The following TLL2 variants were observed in gnomAD, a reference collection of about 807,000 sequenced individuals.
The protein encoded by TLL2 is tolloid like 2, also known as tolloid-like protein 2.
In TLL2, 106 loss-of-function variants were observed where a neutral mutation model predicts 123.0. That is an observed-to-expected ratio of 0.86 (90% confidence interval 0.74 to 1.01). The LOEUF (loss-of-function observed/expected upper bound fraction) is 1.01. Ranked by LOEUF, TLL2 falls within the 50% of genes least tolerant of loss-of-function variation. The pLI is 0.00. For synonymous variants in TLL2, 494 were observed against 516.8 expected (o/e 0.96, Z 0.60); for missense variants, 1,332 against 1,336.7 (o/e 1.00, Z 0.06).
intron 2 of TLL2, among the ~76,000 whole-genome samples, chr10:96,454,953 C>T (rs1846997278): frequency 6.6e-6 from 1 of 152,194 alleles, no homozygotes; most frequent in Non-Finnish European, 1.5e-5. Context: ...TCTGAGAACC[C>T]ATGGACAGTC....
intron 1 of TLL2, among the ~76,000 whole-genome samples, chr10:96,500,588 G>T (rs1847524683): frequency 6.6e-6 from 1 of 152,202 alleles, no homozygotes; most frequent in African/African-American, 2.4e-5. Context: ...GAGGTCAGGA[G>T]CTCGGGACCA....
intron 1 of TLL2, 117 bp downstream of exon 1, chr10:96,513,394 G>A (rs1847651054): frequency 2.3e-6 from 3 of 1,278,350 alleles, no homozygotes; most frequent in African/African-American, 1.5e-5. Flanking sequence ...GGGAGCCGGG[G>A]ATCTCAGGGG....
chr10:96,505,026 T>A (rs1192229922), intron 1 of TLL2, among the ~76,000 whole-genome samples: 4 of 117,382 alleles, frequency 3.4e-5, no homozygotes, highest in African/African-American at 6.5e-5. Context: ...AAAAAATAAA[T>A]AAATAAATAA....
intron 1 of TLL2, among the ~76,000 whole-genome samples, chr10:96,501,775 A>T (rs1847535877): frequency 6.6e-6 from 1 of 152,234 alleles, no homozygotes; most frequent in Admixed American, 6.5e-5. Context: ...CTCACCAGGA[A>T]GTCTTCCTTG....
intron 1 of TLL2, among the ~76,000 whole-genome samples, chr10:96,490,281 T>A (rs1847398836): frequency 6.6e-6 from 1 of 152,236 alleles, no homozygotes; most frequent in Non-Finnish European, 1.5e-5. Context: ...TCCAAATGAA[T>A]GTGTGCGTTT....
At chr10:96,472,879 T>C (rs1359064796) in intron 2 of TLL2, among the ~76,000 whole-genome samples, 24 of 152,234 alleles carry the variant, frequency 1.6e-4, no homozygotes, top group Admixed American at 3.3e-4. Context: ...CCAAGTTCTC[T>C]GATTCTGGAC....
At position 96,428,637 on chromosome 10, in the gene TLL2, G is replaced by A. The variant is rs754731403; in HGVS notation, c.632C>T (p.Thr211Ile). 9 of 1,611,552 alleles carry A rather than the reference G, an allele frequency of 5.6e-6. No individual in the cohort carries two copies. The African/African-American group carries it at 9.3e-5, about 17-fold the overall frequency. Residue 211 changes from threonine to isoleucine, a missense_variant, in exon 5 of 21, where the codon ACC (threonine) becomes ATC (isoleucine). By Grantham distance (89) the Thr-to-Ile change is moderately conservative (BLOSUM62 -1). Coordinates refer to ENST00000357947, the MANE Select transcript of TLL2 (RefSeq NM_012465.4). Reference sequence around the variant, plus strand: ...CTCGCTTTCGTTTACTTACCCACAGGTTCTGTAACTGAATACAATAAAGCT... The same window carrying A: ...CTCGCTTTCGTTTACTTACCCACAGATTCTGTAACTGAATACAATAAAGCT... ...EESFIVFSYR[T>I]CGCCSYVGRR... is the part of the protein sequence containing the mutation.
intron 16 of TLL2, among the ~76,000 whole-genome samples, chr10:96,383,200 C>A (rs1236511425): frequency 6.6e-6 from 1 of 152,204 alleles, no homozygotes; most frequent in African/African-American, 2.4e-5. Flanking sequence ...GCTTTTTCTA[C>A]AGCTGCTGTA....
At chr10:96,431,405 G>A (rs569800317) in intron 4 of TLL2, among the ~76,000 whole-genome samples, 1 of 152,246 alleles carries the variant, frequency 6.6e-6, no homozygotes, top group East Asian at 1.9e-4. Flanking sequence ...ACTCATCAGC[G>A]ATTCTCAGTG....
At chr10:96,371,522 C>T (rs1564892364) in intron 19 of TLL2, among the ~76,000 whole-genome samples, 2 of 152,222 alleles carry the variant, frequency 1.3e-5, no homozygotes, top group East Asian at 3.9e-4. Flanking sequence ...TGGAGCTCCA[C>T]GCCCTGCCTG....
At chr10:96,438,103 T>C (rs1457459593) in intron 3 of TLL2, among the ~76,000 whole-genome samples, 1 of 152,180 alleles carries the variant, frequency 6.6e-6, no homozygotes, top group Non-Finnish European at 1.5e-5. Flanking sequence ...TGTCTTTCCA[T>C]ATAAATTTTA....
Position 96,384,590 on chromosome 10 carries a change from A to T in TLL2, c.2191T>A (p.Ser731Thr). ...SKRGFRAHFFSDKDECAKDNG... is the reference protein window; with the variant it reads ...SKRGFRAHFFTDKDECAKDNG... ...CCTCACCTCTGAACCCGCATACCTG[A>T]GAAGAAGTGGGCCCTGAAGCCGCGC... The change falls in exon 16 of 21, where the codon TCA becomes ACA. Residue 731 changes from serine to threonine, a missense_variant. Ser to Thr is a moderately conservative substitution (Grantham distance 58). Coordinates refer to ENST00000357947, the MANE Select transcript of TLL2 (RefSeq NM_012465.4). 6.3e-7 allele frequency: 1 copy of T among 1,587,400 alleles called. No individual in the cohort carries two copies. The highest frequency in any genetic ancestry group is 8.6e-7 in the Non-Finnish European group (1 of 1,162,538).
chr10:96,430,191 C>T (rs2134079732), intron 4 of TLL2, among the ~76,000 whole-genome samples: 1 of 152,326 alleles, frequency 6.6e-6, no homozygotes, highest in African/African-American at 2.4e-5. Context: ...GGATGGGTCC[C>T]TCAAGAAGGG....
intron 1 of TLL2, among the ~76,000 whole-genome samples, chr10:96,501,488 G>C (rs1344362025): frequency 6.6e-6 from 1 of 152,186 alleles, no homozygotes; most frequent in Non-Finnish European, 1.5e-5. Flanking sequence ...GGTCTTCACT[G>C]TAACAGTCCT....
intron 2 of TLL2, among the ~76,000 whole-genome samples, chr10:96,461,077 A>G (rs1847077017): frequency 6.6e-6 from 1 of 152,234 alleles, no homozygotes; most frequent in South Asian, 2.1e-4. Flanking sequence ...TAGCCTTGAG[A>G]AATGAAGATA....
intron 1 of TLL2, among the ~76,000 whole-genome samples, chr10:96,509,918 G>A (rs1689354122): frequency 6.6e-6 from 1 of 152,246 alleles, no homozygotes; most frequent in South Asian, 2.1e-4. Flanking sequence ...CTGCACTCCA[G>A]CCTGGGCGAC....
At chr10:96,386,893 C>G (rs1846239349) in intron 14 of TLL2, 60 bp downstream of exon 14, 1 of 1,595,872 alleles carries the variant, frequency 6.3e-7, no homozygotes, top group Non-Finnish European at 8.6e-7. Context: ...CTCTGCCCCA[C>G]TTCCCCAAAG....
Position 96,367,956 on chromosome 10 carries a change from G to T in TLL2, c.*132C>A, listed in dbSNP as rs1345156764. ...TTTCATTCAAATATATACCTCTAAG[G>T]CTGGATTCTGAGTTTTTGTTTGAGA... is the stretch of plus-strand genomic sequence containing the variant. On this transcript the variant is annotated 3_prime_UTR_variant, in exon 21 of 21. Transcript: ENST00000357947. The T allele has an allele frequency of 3.6e-6, 4 of 1,124,366 alleles. No individual in the cohort carries two copies. Among genetic ancestry groups the T allele is most frequent in the Non-Finnish European group, 4.9e-6 (4 of 809,506 alleles). 69.6% of individuals were successfully genotyped at this position (1,124,366 alleles called of 1,614,324 possible). A position where few individuals can be genotyped will look rare whatever the true frequency, so the allele number is the denominator to read the frequency against.
chr10:96,436,430 A>G (rs1218958749), intron 3 of TLL2, among the ~76,000 whole-genome samples: 2 of 152,192 alleles, frequency 1.3e-5, no homozygotes, highest in Admixed American at 1.3e-4. Flanking sequence ...TCCACTTACA[A>G]AAATTTTTGG....
Sources: allele counts gnomAD v4.1 joint callset (sites outside exome capture counted in the v4.1 genomes callset), GRCh38; gene constraint gnomAD v4.1.1; transcripts MANE v1.5; gene names NCBI Gene and HGNC (gene_info 2026-07-23, HGNC 2026-07-21).